The following BMAL1 variants were observed in gnomAD, a reference collection of about 807,000 sequenced individuals.
BMAL1 encodes basic helix-loop-helix ARNT-like protein 1.
At chr11:13,386,215 A>C in the BMAL1 span, among the ~76,000 whole-genome samples, 1 of 151,656 alleles carries the variant, frequency 6.6e-6, no homozygotes, top group South Asian at 2.1e-4. Context: ...TTTTTCCTAA[A>C]CTCTCCCTTC....
the BMAL1 span, among the ~76,000 whole-genome samples, chr11:13,347,240 G>C: frequency 2.6e-5 from 4 of 151,906 alleles, no homozygotes; most frequent in Non-Finnish European, 4.4e-5. Context: ...AATTAGCTAC[G>C]TATGGTGGCA....
chr11:13,300,858 C>T, the BMAL1 span, among the ~76,000 whole-genome samples: 1 of 152,126 alleles, frequency 6.6e-6, no homozygotes, highest in Non-Finnish European at 1.5e-5. Context: ...ACTTGGTCCC[C>T]AGTACTGCTT....
At chr11:13,378,500 A>AT in the BMAL1 span, 301 of 1,564,112 alleles carry the variant, frequency 1.9e-4, 1 homozygote, top group African/African-American at 3.7e-3. Flanking sequence ...ACCCAGGGAA[A>AT]TTTTTTCCCC....
chr11:13,376,845 C>T, the BMAL1 span: 1 of 911,810 alleles, frequency 1.1e-6, no homozygotes, highest in Non-Finnish European at 1.6e-6. Context: ...ACAAGGGAGG[C>T]CTCGAGGGGA....
the BMAL1 span, among the ~76,000 whole-genome samples, chr11:13,306,179 A>G: frequency 2.0e-5 from 3 of 151,738 alleles, no homozygotes; most frequent in Admixed American, 1.3e-4. Flanking sequence ...GGTCGGGGCT[A>G]GTTTAGATGC....
the BMAL1 span, among the ~76,000 whole-genome samples, chr11:13,371,866 C>T: frequency 6.6e-6 from 1 of 152,176 alleles, no homozygotes; most frequent in Non-Finnish European, 1.5e-5. Context: ...TGATCCACCT[C>T]CTCTACTGGT....
the BMAL1 span, among the ~76,000 whole-genome samples, chr11:13,280,671 A>G: frequency 6.6e-6 from 1 of 152,196 alleles, no homozygotes; most frequent in African/African-American, 2.4e-5. Context: ...CAGGCATGTT[A>G]TCCTTCTCCA....
At chr11:13,293,337 GCC>G in the BMAL1 span, among the ~76,000 whole-genome samples, 1 of 152,218 alleles carries the variant, frequency 6.6e-6, no homozygotes, top group Non-Finnish European at 1.5e-5. Context: ...TTTGAGTCCA[GCC>G]CTTTTACTTC....
At chr11:13,279,314 A>G in the BMAL1 span, among the ~76,000 whole-genome samples, 260 of 152,340 alleles carry the variant, frequency 1.7e-3, 1 homozygote, top group African/African-American at 6.1e-3. Flanking sequence ...AAACATCCAT[A>G]AAAGCTGCCC....
At chr11:13,371,800 T>C in the BMAL1 span, among the ~76,000 whole-genome samples, 3 of 152,200 alleles carry the variant, frequency 2.0e-5, no homozygotes, top group Non-Finnish European at 2.9e-5. Flanking sequence ...CCTCTGTGCC[T>C]GTGTACGTCA....
the BMAL1 span, among the ~76,000 whole-genome samples, chr11:13,347,189 C>G: frequency 6.6e-6 from 1 of 150,540 alleles, no homozygotes; most frequent in Non-Finnish European, 1.5e-5. Flanking sequence ...GTCCAGGAGT[C>G]TGGGCAGCAT....
chr11:13,355,345 G>A, the BMAL1 span: 1 of 1,571,254 alleles, frequency 6.4e-7, no homozygotes, highest in Middle Eastern at 1.7e-4. Flanking sequence ...GGGCTGGAGA[G>A]TGGGTATGAG....
At chr11:13,372,523 G>C in the BMAL1 span, 1 of 1,492,782 alleles carries the variant, frequency 6.7e-7, no homozygotes. Flanking sequence ...AAGAAAGAAA[G>C]AAAAAGCTGG....
chr11:13,354,205 C>CCCCCCCCAAACCCCCAA, the BMAL1 span: 2 of 874,466 alleles, frequency 2.3e-6, no homozygotes, highest in South Asian at 1.5e-5. Flanking sequence ...CCCCGGCCCC[C>CCCCCCCCAAACCCCCAA]CACCACCAAA....
At chr11:13,281,515 G>T in the BMAL1 span, among the ~76,000 whole-genome samples, 1 of 152,094 alleles carries the variant, frequency 6.6e-6, no homozygotes, top group Non-Finnish European at 1.5e-5. Context: ...TGGCCCCTTT[G>T]CAGTATTTCT....
At chr11:13,356,325 G>C in the BMAL1 span, 2 of 467,390 alleles carry the variant, frequency 4.3e-6, no homozygotes, top group Non-Finnish European at 8.5e-6. Context: ...ATTTATCTTT[G>C]ATGCTCAATA....
the BMAL1 span, chr11:13,381,374 T>C: frequency 5.6e-6 from 5 of 899,634 alleles, no homozygotes; most frequent in Non-Finnish European, 8.8e-6. Flanking sequence ...ACTTCCTCCT[T>C]GAAGTAAATG....
chr11:13,347,169 G>A, the BMAL1 span, among the ~76,000 whole-genome samples: 1 of 152,140 alleles, frequency 6.6e-6, no homozygotes, highest in African/African-American at 2.4e-5. Flanking sequence ...GAGATGGAGG[G>A]ATTGCTTGAG....
the BMAL1 span, among the ~76,000 whole-genome samples, chr11:13,329,171 C>G: frequency 1.3e-5 from 2 of 152,082 alleles, no homozygotes; most frequent in African/African-American, 2.4e-5. Context: ...AAATTAGAAC[C>G]CAGGGGTAGC....
Sources: allele counts gnomAD v4.1 joint callset (sites outside exome capture counted in the v4.1 genomes callset), GRCh38; gene constraint gnomAD v4.1.1; transcripts MANE v1.5; gene names NCBI Gene and HGNC (gene_info 2026-07-23, HGNC 2026-07-21).